Variants in PLCL1 observed in about 807,000 individuals in gnomAD.
PLCL1 encodes phospholipase C like 1 (inactive).
Under a neutral mutation model 84.4 loss-of-function variants are expected in PLCL1, and 41 were observed. The observed-to-expected ratio is 0.49, with a 90% CI of 0.38 to 0.63. The LOEUF (loss-of-function observed/expected upper bound fraction) is 0.63. Ranked by LOEUF, PLCL1 falls within the 30% of genes least tolerant of loss-of-function variation. PLCL1 has a pLI of 0.00. For missense variants in PLCL1, 1,206 were observed against 1,367.8 expected, an observed-to-expected ratio of 0.88 and a Z score of 1.87; for synonymous variants, 490 against 488.3, an observed-to-expected ratio of 1.00 and a Z score of -0.05.
chr2:198,083,247 A>AATAG (rs1265233551), intron 1 of PLCL1, among the ~76,000 whole-genome samples: 1 of 152,180 alleles, frequency 6.6e-6, no homozygotes, highest in Non-Finnish European at 1.5e-5. Context: ...GACACCTTGA[A>AATAG]ATAGCTTCAG....
At chr2:197,861,074 G>A (rs938308853) in intron 1 of PLCL1, among the ~76,000 whole-genome samples, 6 of 152,222 alleles carry the variant, frequency 3.9e-5, no homozygotes, top group South Asian at 4.1e-4. Context: ...AGTGATAAGC[G>A]TCTCTTTGTT....
chr2:197,836,441 C>T (rs1202785076), intron 1 of PLCL1, among the ~76,000 whole-genome samples: 4 of 91,212 alleles, frequency 4.4e-5, no homozygotes, highest in Non-Finnish European at 5.9e-5. Flanking sequence ...AGCGAGACTC[C>T]GTCTCAAAAA....
rs756408262 is a variant in PLCL1, at chr2:198,084,024, G to A, written c.507G>A (p.Gly169=). ...DISAIKEIRL[G]KNTETFRNNG... Reference sequence around the variant, plus strand: ...CTGCCATAAAAGAGATCAGACTGGGGAAAAACACGGAAACATTTAGAAACA... The same window carrying A: ...CTGCCATAAAAGAGATCAGACTGGGAAAAAACACGGAAACATTTAGAAACA... Residue 169 remains glycine, a synonymous_variant, in exon 2 of 6, where the codon GGG becomes GGA. Coordinates refer to ENST00000428675, the MANE Select transcript of PLCL1 (RefSeq NM_006226.4). 1 of 1,614,168 alleles carries A rather than the reference G, an allele frequency of 6.2e-7. No homozygotes were observed. Among genetic ancestry groups the A allele is most frequent in the Non-Finnish European group, 8.5e-7 (1 of 1,180,022 alleles).
chr2:198,078,846 A>G (rs1692642848), intron 1 of PLCL1, among the ~76,000 whole-genome samples: 1 of 152,082 alleles, frequency 6.6e-6, no homozygotes, highest in Non-Finnish European at 1.5e-5. Flanking sequence ...TTTTTGTACA[A>G]TGCTTCAGTG....
chr2:197,894,315 A>G (rs1469686523), intron 1 of PLCL1, among the ~76,000 whole-genome samples: 2 of 151,978 alleles, frequency 1.3e-5, no homozygotes, highest in Non-Finnish European at 2.9e-5. Context: ...CCGTAATTCT[A>G]TTTGGAGCAA....
intron 1 of PLCL1, among the ~76,000 whole-genome samples, chr2:197,916,380 G>A (rs1386005520): frequency 1.3e-5 from 2 of 152,114 alleles, no homozygotes. Flanking sequence ...TAGTGGCTCA[G>A]TTACTCACTA....
chr2:197,982,463 ATCT>A (rs1271927965), intron 1 of PLCL1, among the ~76,000 whole-genome samples: 6 of 152,102 alleles, frequency 3.9e-5, no homozygotes, highest in African/African-American at 7.2e-5. Flanking sequence ...TAAGAAATTA[ATCT>A]TCTTTTTCTG....
rs76164793 is a variant in PLCL1 at position 198,109,146 on chromosome 2, G to A, written c.3105+5210G>A. On this transcript the variant is annotated intron_variant, in intron 5 of 5. Coordinates refer to ENST00000428675, the MANE Select transcript of PLCL1 (RefSeq NM_006226.4). ...GAAATTTATTTCTCACAGTTCTTGG[G>A]GCTGAGAAATCCAAGATCAAGGCAG... Among the ~76,000 whole-genome samples, 485 of 151,906 alleles carry A rather than the reference G, an allele frequency of 3.2e-3. 20 individuals carry two copies. In the East Asian group the frequency reaches 0.083, roughly 26 times the overall value.
At chr2:198,137,644 T>C (rs1401951696) in intron 5 of PLCL1, among the ~76,000 whole-genome samples, 1 of 152,178 alleles carries the variant, frequency 6.6e-6, no homozygotes, top group Non-Finnish European at 1.5e-5. Context: ...GATCATAAGA[T>C]GCCAAGAAAT....
chr2:198,146,477 G>C (rs1694518980), intron 5 of PLCL1, among the ~76,000 whole-genome samples: 1 of 152,142 alleles, frequency 6.6e-6, no homozygotes, highest in South Asian at 2.1e-4. Flanking sequence ...TCAGACCATG[G>C]TGATGGAAGA....
At chr2:198,000,394 T>A (rs1049912315) in intron 1 of PLCL1, among the ~76,000 whole-genome samples, 3 of 152,188 alleles carry the variant, frequency 2.0e-5, no homozygotes, top group Non-Finnish European at 4.4e-5. Flanking sequence ...ACCCAGGTAC[T>A]GGTCATAGTT....
intron 3 of PLCL1, 87 bp downstream of exon 3, chr2:198,089,148 A>G (rs1014194012): frequency 1.3e-5 from 12 of 930,570 alleles, no homozygotes; most frequent in Non-Finnish European, 2.1e-5. Context: ...ACTCCAATGA[A>G]TAACACAGGG....
At chr2:198,088,328 A>T (rs1692936453) in intron 2 of PLCL1, among the ~76,000 whole-genome samples, 1 of 152,190 alleles carries the variant, frequency 6.6e-6, no homozygotes, top group South Asian at 2.1e-4. Flanking sequence ...GTGAAATGTA[A>T]AATAGTCATA....
intron 1 of PLCL1, among the ~76,000 whole-genome samples, chr2:198,002,887 C>A (rs1690636012): frequency 6.6e-6 from 1 of 152,152 alleles, no homozygotes; most frequent in Non-Finnish European, 1.5e-5. Context: ...TTCTACCATG[C>A]ACTTTGTTAA....
chr2:197,903,823 A>G, intron 1 of PLCL1, among the ~76,000 whole-genome samples: 1 of 97,484 alleles, frequency 1.0e-5, no homozygotes, highest in African/African-American at 4.2e-5. Flanking sequence ...TTTTTTTGAG[A>G]CAAAGTCTCG....
At chr2:197,806,145 A>G (rs1299332765) in intron 1 of PLCL1, among the ~76,000 whole-genome samples, 2 of 152,246 alleles carry the variant, frequency 1.3e-5, no homozygotes, top group African/African-American at 4.8e-5. Context: ...TTTAGGAAAG[A>G]ACCCTCGCAC....
intron 1 of PLCL1, among the ~76,000 whole-genome samples, chr2:197,856,397 G>A (rs1687330429): frequency 6.6e-6 from 1 of 151,904 alleles, no homozygotes; most frequent in South Asian, 2.1e-4. Flanking sequence ...ATGCTGTTTG[G>A]CTTACTGTTA....
At chr2:197,990,549 A>G (rs1055073365) in intron 1 of PLCL1, among the ~76,000 whole-genome samples, 7 of 152,202 alleles carry the variant, frequency 4.6e-5, no homozygotes, top group African/African-American at 1.7e-4. Context: ...CACATCTTAC[A>G]TGGCGGCAGG....
At chr2:197,941,363 C>T (rs1421992036) in intron 1 of PLCL1, among the ~76,000 whole-genome samples, 1 of 151,924 alleles carries the variant, frequency 6.6e-6, no homozygotes, top group African/African-American at 2.4e-5. Context: ...GCAATCACAG[C>T]TCTCTGCAGC....
Sources: allele counts gnomAD v4.1 joint callset (sites outside exome capture counted in the v4.1 genomes callset), GRCh38; gene constraint gnomAD v4.1.1; transcripts MANE v1.5; gene names NCBI Gene and HGNC (gene_info 2026-07-23, HGNC 2026-07-21).